DLG1: variants seen among roughly 807,000 people sequenced by gnomAD.
DLG1 encodes discs large MAGUK scaffold protein 1, also known as disks large homolog 1.
A neutral mutation model predicts 123.4 loss-of-function variants in DLG1; 42 were observed. That is an observed-to-expected ratio of 0.34 (90% CI 0.27 to 0.44). The LOEUF is 0.44. DLG1 is among the 20% of genes least tolerant of loss of function. DLG1 has a pLI of 1.00. For missense variants in DLG1, 942 were observed against 1,082.6 expected (o/e 0.87, Z 1.82); for synonymous variants, 317 against 356.2 (o/e 0.89, Z 1.24).
chr3:197,195,057 C>A (rs193138350), intron 4 of DLG1, among the ~76,000 whole-genome samples: 338 of 151,814 alleles, frequency 2.2e-3, no homozygotes, highest in African/African-American at 7.9e-3. Flanking sequence ...CTCTCTCTCA[C>A]ACACACACAC....
intron 5 of DLG1, among the ~76,000 whole-genome samples, chr3:197,180,823 TA>T (rs374070127): frequency 1.3e-5 from 2 of 152,208 alleles, no homozygotes; most frequent in African/African-American, 4.8e-5. Flanking sequence ...ATCCAATCAA[TA>T]CAGGTACTGA....
chr3:197,130,342 CCTT>C (rs1196566633), intron 11 of DLG1, among the ~76,000 whole-genome samples, 182 bp downstream of exon 11: 10 of 151,688 alleles, frequency 6.6e-5, no homozygotes, highest in Admixed American at 5.9e-4. Context: ...AGGATCCCCC[CCTT>C]CTAATTATAA....
intron 4 of DLG1, among the ~76,000 whole-genome samples, chr3:197,256,127 A>C (rs338205): frequency 0.76 from 115,222 of 152,194 alleles, 43,720 homozygotes; most frequent in East Asian, 0.82. Context: ...GTCCTATAAA[A>C]ATCTGTTTAA....
intron 2 of DLG1, 142 bp downstream of exon 2, chr3:197,297,044 G>T: frequency 1.2e-6 from 1 of 840,608 alleles, no homozygotes; most frequent in Admixed American, 2.5e-5. Context: ...GAAATGATAT[G>T]AGGCTTAGAT....
At chr3:197,056,554 A>C (rs1209571738) in intron 23 of DLG1, among the ~76,000 whole-genome samples, 1 of 152,214 alleles carries the variant, frequency 6.6e-6, no homozygotes, top group Admixed American at 6.5e-5. Context: ...TGCTTGGCTT[A>C]GTATTTAATT....
chr3:197,183,793 C>T, intron 5 of DLG1: 1 of 1,550,054 alleles, frequency 6.5e-7, no homozygotes, highest in East Asian at 2.4e-5. Context: ...GTGTTGTTTC[C>T]GAAAATGTAA....
intron 1 of DLG1, chr3:197,297,764 C>T: frequency 6.1e-6 from 6 of 986,236 alleles, no homozygotes; most frequent in Middle Eastern, 5.2e-4. Flanking sequence ...CCCGCATGCA[C>T]ACCTCCGCGG....
chr3:197,202,141 A>C (rs147768199), intron 4 of DLG1, among the ~76,000 whole-genome samples: 2 of 152,336 alleles, frequency 1.3e-5, no homozygotes, highest in African/African-American at 4.8e-5. Flanking sequence ...CCACGATTAT[A>C]TACAAATAAA....
chr3:197,123,235 A>G (rs754866314), intron 11 of DLG1, among the ~76,000 whole-genome samples: 40 of 152,236 alleles, frequency 2.6e-4, no homozygotes, highest in Non-Finnish European at 5.1e-4. Context: ...AAAAATTTCA[A>G]CAGGTCACTA....
intron 19 of DLG1, among the ~76,000 whole-genome samples, chr3:197,068,347 A>G (rs752027745): frequency 5.3e-5 from 8 of 152,166 alleles, no homozygotes; most frequent in Admixed American, 2.0e-4. Context: ...GGTTATAATT[A>G]ATAAAATGCT....
At chr3:197,221,800 T>C (rs996663714) in intron 4 of DLG1, among the ~76,000 whole-genome samples, 6 of 152,198 alleles carry the variant, frequency 3.9e-5, no homozygotes, top group African/African-American at 9.6e-5. Flanking sequence ...TTGTTTAATA[T>C]AGAGGCTATA....
intron 4 of DLG1, among the ~76,000 whole-genome samples, chr3:197,275,119 G>T (rs1351270592): frequency 2.0e-5 from 3 of 150,840 alleles, no homozygotes; most frequent in African/African-American, 7.3e-5. Flanking sequence ...CTGGGAGGTG[G>T]AGCTTGCAGT....
intron 4 of DLG1, among the ~76,000 whole-genome samples, chr3:197,228,026 C>G (rs1490860344): frequency 6.6e-6 from 1 of 152,206 alleles, no homozygotes; most frequent in Admixed American, 6.5e-5. Flanking sequence ...CACTGCAGTG[C>G]CTCAGAGGTG....
At position 197,081,035 on chromosome 3, in the gene DLG1, G is replaced by A; in HGVS notation, c.1905+16C>T. On this transcript the variant is annotated intron_variant, in intron 17 of 24. Transcript: ENST00000667157. ...CAAACAGGAATTACAAAAATGTAGAGATTTCAAATACTCACCCCTTTATCT... is the reference window on the plus strand; with the variant it reads ...CAAACAGGAATTACAAAAATGTAGAAATTTCAAATACTCACCCCTTTATCT... The A allele has an allele frequency of 6.2e-7, 1 of 1,606,336 alleles. No individual in the cohort carries two copies. Among genetic ancestry groups the A allele is most frequent in the South Asian group, 1.1e-5 (1 of 89,914 alleles).
intron 5 of DLG1, among the ~76,000 whole-genome samples, chr3:197,190,511 G>A (rs1477487551): frequency 6.6e-6 from 1 of 152,154 alleles, no homozygotes; most frequent in South Asian, 2.1e-4. Flanking sequence ...TATAAGTGGA[G>A]CAGTGCAGTT....
chr3:197,195,476 C>T (rs1309549707), intron 4 of DLG1, among the ~76,000 whole-genome samples: 1 of 152,010 alleles, frequency 6.6e-6, no homozygotes, highest in Non-Finnish European at 1.5e-5. Flanking sequence ...TGGAATCAAC[C>T]AAGATACCCA....
intron 4 of DLG1, among the ~76,000 whole-genome samples, chr3:197,263,201 T>A (rs1760221414): frequency 1.3e-5 from 2 of 152,200 alleles, no homozygotes; most frequent in African/African-American, 2.4e-5. Context: ...GTTTCTCTTG[T>A]GAAATTTTTA....
intron 3 of DLG1, among the ~76,000 whole-genome samples, chr3:197,292,091 G>GT (rs1349805237): frequency 6.6e-5 from 10 of 152,080 alleles, no homozygotes; most frequent in Non-Finnish European, 1.5e-4. Flanking sequence ...TGTAACTGCC[G>GT]TATGATCCCA....
At chr3:197,263,597 G>A (rs935283992) in intron 4 of DLG1, among the ~76,000 whole-genome samples, 1 of 152,078 alleles carries the variant, frequency 6.6e-6, no homozygotes, top group Non-Finnish European at 1.5e-5. Flanking sequence ...GACCAGCCTG[G>A]CCAACATGGT....
Sources: allele counts gnomAD v4.1 joint callset (sites outside exome capture counted in the v4.1 genomes callset), GRCh38; gene constraint gnomAD v4.1.1; transcripts MANE v1.5; gene names NCBI Gene and HGNC (gene_info 2026-07-23, HGNC 2026-07-21).